PABPC4L: variants seen among roughly 807,000 people sequenced by gnomAD.
PABPC4L encodes the protein polyadenylate-binding protein 4-like.
For synonymous variants in PABPC4L, 169 were observed against 164.1 expected (o/e 1.03, Z -0.23); for missense variants, 452 against 451.4 (o/e 1.00, Z -0.01).
chr4:134,174,571 C>T, the PABPC4L span, among the ~76,000 whole-genome samples: 1 of 152,178 alleles, frequency 6.6e-6, no homozygotes, highest in South Asian at 2.1e-4. Context: ...ATGGGACCAC[C>T]ATTGTACATG....
the PABPC4L span, among the ~76,000 whole-genome samples, chr4:134,147,749 G>GTGTGTTGT: frequency 0.022 from 3,320 of 149,002 alleles, 55 homozygotes; most frequent in African/African-American, 0.045. Context: ...GTGTGTGTGT[G>GTGTGTTGT]TGTTGTTGTT....
the PABPC4L span, among the ~76,000 whole-genome samples, chr4:134,039,467 T>C: frequency 1.3e-5 from 2 of 152,114 alleles, no homozygotes; most frequent in East Asian, 1.9e-4. Context: ...AGTCTCTTTG[T>C]AGGTCTCTAA....
the PABPC4L span, among the ~76,000 whole-genome samples, chr4:134,143,742 C>T: frequency 6.6e-6 from 1 of 151,276 alleles, no homozygotes; most frequent in African/African-American, 2.4e-5. Flanking sequence ...AGAAAAACTT[C>T]AAACGTTTTT....
chr4:134,087,726 C>A, the PABPC4L span, among the ~76,000 whole-genome samples: 1 of 152,146 alleles, frequency 6.6e-6, no homozygotes, highest in Non-Finnish European at 1.5e-5. Context: ...CAGAGACTTC[C>A]TCATCAAGGG....
chr4:134,153,240 C>G, the PABPC4L span, among the ~76,000 whole-genome samples: 1 of 151,882 alleles, frequency 6.6e-6, no homozygotes, highest in Admixed American at 6.6e-5. Context: ...AGGTATTAAT[C>G]GCAATATAAA....
At chr4:134,167,553 T>G in the PABPC4L span, among the ~76,000 whole-genome samples, 1 of 151,740 alleles carries the variant, frequency 6.6e-6, no homozygotes. Flanking sequence ...AATTCACTTA[T>G]AAGGACACAT....
chr4:134,052,663 T>C, the PABPC4L span, among the ~76,000 whole-genome samples: 1 of 151,738 alleles, frequency 6.6e-6, no homozygotes, highest in Non-Finnish European at 1.5e-5. Context: ...AAATTGGTCA[T>C]AACAGGAAAG....
At chr4:134,063,564 C>T in the PABPC4L span, among the ~76,000 whole-genome samples, 1 of 151,992 alleles carries the variant, frequency 6.6e-6, no homozygotes, top group African/African-American at 2.4e-5. Context: ...AATATAAACA[C>T]TTGCCAATAT....
At chr4:134,196,098 T>C (rs1224055605), downstream of PABPC4L, among the ~76,000 whole-genome samples, 1 of 151,508 alleles carries the variant, frequency 6.6e-6, no homozygotes, top group Non-Finnish European at 1.5e-5. Flanking sequence ...GAAATGTCTT[T>C]AAAATAGTTA....
At chr4:133,983,375 C>A in the PABPC4L span, among the ~76,000 whole-genome samples, 3 of 151,754 alleles carry the variant, frequency 2.0e-5, no homozygotes, top group South Asian at 4.1e-4. Flanking sequence ...TCTGGTAACA[C>A]AAGTACAATA....
At position 134,200,706 on chromosome 4, in the gene PABPC4L, A is replaced by C; in HGVS notation, c.314T>G (p.Leu105Arg). Reference protein sequence around the residue: ...SGIGNVFIKNLDKSIDNKTLY... With the variant: ...SGIGNVFIKNRDKSIDNKTLY... ...GGTTTTGTTATCGATAGATTTGTCC[A>C]GATTCTTGATGAATACGTTCCCAAT... The change falls in exon 2 of 2, where the codon CTG (leucine) becomes CGG (arginine). Residue 105 changes from leucine to arginine, a missense_variant. Coordinates refer to ENST00000421491, the MANE Select transcript of PABPC4L (RefSeq NM_001114734.2). The C allele has an allele frequency of 6.4e-7, 1 of 1,551,686 alleles. No individual in the cohort carries two copies. The highest frequency in any genetic ancestry group is 8.7e-7 in the Non-Finnish European group (1 of 1,146,978).
the PABPC4L span, among the ~76,000 whole-genome samples, chr4:134,093,021 G>C: frequency 6.6e-6 from 1 of 151,900 alleles, no homozygotes; most frequent in African/African-American, 2.4e-5. Flanking sequence ...TATTTGAATA[G>C]AGAAAAGTAG....
At chr4:134,071,943 G>A in the PABPC4L span, among the ~76,000 whole-genome samples, 2 of 152,074 alleles carry the variant, frequency 1.3e-5, no homozygotes, top group African/African-American at 4.8e-5. Flanking sequence ...TTAGGTTTTA[G>A]TTGTATAGAT....
chr4:134,018,984 G>C, the PABPC4L span, among the ~76,000 whole-genome samples: 1 of 152,024 alleles, frequency 6.6e-6, no homozygotes, highest in African/African-American at 2.4e-5. Context: ...TCCCTTCCAA[G>C]TGTGATTTGT....
At chr4:134,023,326 C>G in the PABPC4L span, among the ~76,000 whole-genome samples, 2 of 152,078 alleles carry the variant, frequency 1.3e-5, no homozygotes, top group Non-Finnish European at 2.9e-5. Flanking sequence ...TAATATAATT[C>G]AAAATTCCAG....
At chr4:133,983,181 A>G in the PABPC4L span, among the ~76,000 whole-genome samples, 1 of 152,020 alleles carries the variant, frequency 6.6e-6, no homozygotes, top group Admixed American at 6.5e-5. Flanking sequence ...ACAGTGTCAA[A>G]TCTCAAACCT....
the PABPC4L span, among the ~76,000 whole-genome samples, chr4:133,957,403 C>A: frequency 6.6e-6 from 1 of 152,192 alleles, no homozygotes; most frequent in African/African-American, 2.4e-5. Flanking sequence ...GCTTCTATGG[C>A]CTTCAGCAGT....
At chr4:134,001,296 T>C in the PABPC4L span, among the ~76,000 whole-genome samples, 1 of 151,740 alleles carries the variant, frequency 6.6e-6, no homozygotes, top group African/African-American at 2.4e-5. Context: ...ACAGATATTC[T>C]AGTAAGGCTA....
chr4:134,113,913 T>C, the PABPC4L span, among the ~76,000 whole-genome samples: 2 of 151,808 alleles, frequency 1.3e-5, no homozygotes, highest in African/African-American at 2.4e-5. Context: ...GAAAAAGGAA[T>C]GTAAATAAGG....
Sources: gnomAD v4.1 joint callset for allele counts (sites outside exome capture counted in the v4.1 genomes callset) on GRCh38, gnomAD v4.1.1 for gene constraint, MANE v1.5 for transcripts, NCBI Gene and HGNC (gene_info 2026-07-23, HGNC 2026-07-21) for gene names.